Variants in KIF27 observed in about 807,000 individuals in gnomAD.
The protein encoded by KIF27 is kinesin-like protein KIF27.
A neutral mutation model predicts 141.8 loss-of-function variants in KIF27; 84 were observed. That is an observed-to-expected ratio of 0.59 (90% CI 0.50 to 0.71). The LOEUF (loss-of-function observed/expected upper bound fraction) is 0.71, where lower values mean the gene tolerates loss of function less well. Among genes scored for constraint, KIF27 ranks in the 30% least tolerant of loss-of-function variants. The pLI is 0.00. For synonymous variants in KIF27, 471 were observed against 569.5 expected (o/e 0.83, Z 2.46); for missense variants, 1,306 against 1,628.4 (o/e 0.80, Z 3.41).
intron 2 of KIF27, among the ~76,000 whole-genome samples, chr9:83,910,297 A>G (rs895637209): frequency 6.6e-6 from 1 of 152,196 alleles, no homozygotes; most frequent in African/African-American, 2.4e-5. Context: ...TAAAGCAGAA[A>G]AGAGCTGTAA....
intron 1 of KIF27, among the ~76,000 whole-genome samples, chr9:83,917,324 C>A (rs185228129): frequency 6.6e-6 from 1 of 152,144 alleles, no homozygotes; most frequent in African/African-American, 2.4e-5. Context: ...GAAGAAAGCA[C>A]AAGATGTAAA....
At chr9:83,860,220 G>C (rs2131875237) in intron 13 of KIF27, 1 of 152,132 alleles carries the variant, frequency 6.6e-6, no homozygotes, top group Non-Finnish European at 1.5e-5. Context: ...GTTTATTATA[G>C]AGACACATAC....
chr9:83,882,707 T>G (rs1176659302), intron 10 of KIF27, among the ~76,000 whole-genome samples: 2 of 152,120 alleles, frequency 1.3e-5, no homozygotes, highest in African/African-American at 2.4e-5. Flanking sequence ...TTTTCTTTCC[T>G]TATCAGTACT....
At chr9:83,843,268 C>T (rs371304411) in intron 16 of KIF27, among the ~76,000 whole-genome samples, 12,546 of 146,502 alleles carry the variant, frequency 0.086, 664 homozygotes, top group Non-Finnish European at 0.12. Flanking sequence ...GTTTATGCCA[C>T]AATATAACTT....
chr9:83,865,297 CCT>C (rs1950266460), intron 13 of KIF27, among the ~76,000 whole-genome samples: 1 of 151,948 alleles, frequency 6.6e-6, no homozygotes, highest in African/African-American at 2.4e-5. Context: ...TCAACTTTAT[CCT>C]CTGACCCTTT....
At chr9:83,908,846 G>A (rs530793105) in intron 2 of KIF27, among the ~76,000 whole-genome samples, 194 bp from the exon 3 acceptor site, 6 of 151,656 alleles carry the variant, frequency 4.0e-5, no homozygotes, top group East Asian at 1.9e-4. Context: ...TGCAACCTCC[G>A]ACTATCAAAT....
At chr9:83,895,859 A>C (rs1247249367) in intron 5 of KIF27, among the ~76,000 whole-genome samples, 1 of 151,966 alleles carries the variant, frequency 6.6e-6, no homozygotes, top group Non-Finnish European at 1.5e-5. Context: ...GGAGTGATTG[A>C]CTGACATGTT....
chr9:83,909,626 A>G (rs888265161), intron 2 of KIF27, among the ~76,000 whole-genome samples: 2 of 151,992 alleles, frequency 1.3e-5, no homozygotes, highest in Non-Finnish European at 2.9e-5. Flanking sequence ...AAAAAAAAAA[A>G]AAAGATTTAA....
chr9:83,853,714 G>C lies in KIF27; in HGVS notation c.3272C>G (p.Ser1091Cys). 1 of 1,613,768 alleles carries C rather than the reference G, an allele frequency of 6.2e-7. No homozygotes were observed. Among genetic ancestry groups the C allele is most frequent in the Non-Finnish European group, 8.5e-7 (1 of 1,179,746 alleles). ...KSLRASFHNLSRGEANVLEKL... is the reference protein window; with the variant it reads ...KSLRASFHNLCRGEANVLEKL... ...TTCCAAGACATTTGCTTCACCACGAGAGAGGTTATGGAATGATGCTCTAAG... is the reference window on the plus strand; with the variant it reads ...TTCCAAGACATTTGCTTCACCACGACAGAGGTTATGGAATGATGCTCTAAG... The change falls in exon 15 of 18, where the codon TCT becomes TGT. Residue 1091 changes from serine (S) to cysteine (C), a missense_variant. Ser to Cys is a moderately radical substitution (Grantham distance 112). Coordinates refer to ENST00000297814, the MANE Select transcript of KIF27 (RefSeq NM_017576.4).
intron 14 of KIF27, among the ~76,000 whole-genome samples, chr9:83,856,022 G>A (rs1949160122): frequency 1.3e-5 from 2 of 152,168 alleles, no homozygotes; most frequent in South Asian, 2.1e-4. Context: ...CAAGATACGT[G>A]GCAATGGGTA....
In KIF27 at chr9:83,908,624, G is replaced by A. The variant is rs369123491; in HGVS notation, c.327C>T (p.Ile109=). Residue 109 remains isoleucine, a synonymous_variant, in exon 3 of 18, where the codon ATC becomes ATT. Coordinates refer to ENST00000297814, the MANE Select transcript of KIF27 (RefSeq NM_017576.4). ...ATATTTCTTGAATAGCTCGAGGAAT[G>A]ATACCCTTTTGGCCCTCCACAACTG... is the stretch of plus-strand genomic sequence containing the variant. The part of the protein sequence containing the change: ...IASVVEGQKG[I]IPRAIQEIFQ... 1.2e-6 allele frequency: 2 copies of A among 1,610,166 alleles called. No individual in the cohort carries two copies. The highest frequency in any genetic ancestry group is 2.7e-5 in the African/African-American group (2 of 74,850).
At position 83,848,114 on chromosome 9, in the gene KIF27, C is replaced by CAGATATATCATATATA. The variant is rs1564283858; in HGVS notation, c.3556+1984_3556+1985insTATATATGATATATCT. Among the ~76,000 whole-genome samples the CAGATATATCATATATA allele has an allele frequency of 9.4e-5, 3 of 31,874 alleles. 1 individual carries two copies. The highest frequency in any genetic ancestry group is 1.6e-4 in the Non-Finnish European group (3 of 18,242). The allele number at this position is 31,874 out of a possible 152,430, so 20.9% of individuals were successfully genotyped here. ...ATATGATATATATGATATCTCATAT[C>CAGATATATCATATATA]TGATATATCTGATATCTCATATATG... On this transcript the variant is annotated intron_variant, in intron 16 of 17. Coordinates refer to ENST00000297814, the MANE Select transcript of KIF27 (RefSeq NM_017576.4).
rs1182049273 is a variant in KIF27, at chr9:83,838,211, T to G, written c.3722-726A>C. Among the ~76,000 whole-genome samples, 3 of 151,646 alleles carry G rather than the reference T, an allele frequency of 2.0e-5. No homozygotes were observed. The East Asian group carries it at 5.8e-4, about 29-fold the overall frequency. ...TATATTGATGCATGCTTAGTACACTTTCAGTCCTGCAAAGACAAAGTTTTT... is the reference window on the plus strand; with the variant it reads ...TATATTGATGCATGCTTAGTACACTGTCAGTCCTGCAAAGACAAAGTTTTT... On this transcript the variant is annotated intron_variant, in intron 17 of 17. Transcript: ENST00000297814.
intron 1 of KIF27, 98 bp from the exon 2 acceptor site, chr9:83,915,776 G>A (rs1338510809): frequency 1.7e-6 from 1 of 580,320 alleles, no homozygotes; most frequent in Non-Finnish European, 3.0e-6. Context: ...AACAGGTTTT[G>A]TTCCAATACA....
chr9:83,860,619 A>G (rs1949787446), intron 13 of KIF27, among the ~76,000 whole-genome samples: 1 of 152,248 alleles, frequency 6.6e-6, no homozygotes, highest in Non-Finnish European at 1.5e-5. Flanking sequence ...CAACAGAACT[A>G]TAAAATTCCT....
At chr9:83,865,306 C>G (rs1175389489) in intron 13 of KIF27, among the ~76,000 whole-genome samples, 8 of 151,576 alleles carry the variant, frequency 5.3e-5, no homozygotes, top group Non-Finnish European at 1.2e-4. Flanking sequence ...TCCTCTGACC[C>G]TTTTTTTTGA....
Position 83,870,141 on chromosome 9 carries a change from C to A in KIF27, c.2757+378G>T, listed in dbSNP as rs528233193. The stretch of plus-strand genomic sequence containing the variant: ...CACCAGTTTTTACATCTATCTATCT[C>A]TCTATCTATCTATCTATCTATCTAT... On this transcript the variant is annotated intron_variant, in intron 12 of 17. Transcript: ENST00000297814. Among the ~76,000 whole-genome samples, 86 of 151,622 alleles carry A rather than the reference C, an allele frequency of 5.7e-4. 1 individual carries two copies. Among genetic ancestry groups the A allele is most frequent in the African/African-American group, 1.5e-3 (63 of 41,396 alleles).
In KIF27 at chr9:83,903,756, C is replaced by A. The variant is rs748682659; in HGVS notation, c.762G>T (p.Thr254=). Reference sequence around the variant, plus strand: ...CTTTGAACCGTTCACCAGTATTCCCCGTTTTGGTTACTCTTTCTGATCCTG... The same window carrying A: ...CTTTGAACCGTTCACCAGTATTCCCAGTTTTGGTTACTCTTTCTGATCCTG... ...DLAGSERVTK[T]GNTGERFKES... The change falls in exon 4 of 18, where the codon ACG becomes ACT. Residue 254 remains threonine (T), a synonymous_variant. Transcript: ENST00000297814. 6.2e-7 allele frequency: 1 copy of A among 1,614,034 alleles called. No individual in the cohort carries two copies. The highest frequency in any genetic ancestry group is 8.5e-7 in the Non-Finnish European group (1 of 1,180,028).
chr9:83,873,197 G>T (rs1025774493), intron 11 of KIF27, among the ~76,000 whole-genome samples: 4 of 152,190 alleles, frequency 2.6e-5, no homozygotes, highest in African/African-American at 9.6e-5. Context: ...CCAGCCAGGG[G>T]TTTCATCATC....
Sources: allele counts gnomAD v4.1 joint callset (sites outside exome capture counted in the v4.1 genomes callset), GRCh38; gene constraint gnomAD v4.1.1; transcripts MANE v1.5; gene names NCBI Gene and HGNC (gene_info 2026-07-23, HGNC 2026-07-21).